PTPRD: variants seen among roughly 807,000 people sequenced by gnomAD.
The protein encoded by PTPRD is receptor-type tyrosine-protein phosphatase delta.
Under a neutral mutation model 214.5 loss-of-function variants are expected in PTPRD, and 34 were observed. That is an observed-to-expected ratio of 0.16 (90% CI 0.12 to 0.21). PTPRD has a LOEUF of 0.21. Among genes scored for constraint, PTPRD ranks in the 10% least tolerant of loss-of-function variants. The pLI, the probability that PTPRD is intolerant of heterozygous loss-of-function variation, is 1.00. For missense variants in PTPRD, 2,545 were observed against 2,398.7 expected (o/e 1.06, Z -1.27); for synonymous variants, 1,128 against 845.7 (o/e 1.33, Z -5.79).
intron 3 of PTPRD, among the ~76,000 whole-genome samples, chr9:10,259,695 T>C (rs921509776): frequency 1.3e-5 from 2 of 152,214 alleles, no homozygotes; most frequent in African/African-American, 2.4e-5. Context: ...TCAACTTTAG[T>C]TCCTCAACAA....
intron 12 of PTPRD, among the ~76,000 whole-genome samples, chr9:8,674,863 G>A (rs540441549): frequency 6.6e-6 from 1 of 152,074 alleles, no homozygotes; most frequent in Non-Finnish European, 1.5e-5. Context: ...TTTGTTTGGG[G>A]TTTTTTTGCT....
At chr9:10,366,175 C>G (rs1475065255) in intron 2 of PTPRD, among the ~76,000 whole-genome samples, 1 of 152,156 alleles carries the variant, frequency 6.6e-6, no homozygotes, top group African/African-American at 2.4e-5. Flanking sequence ...TGATATATGG[C>G]TCTGCGATGT....
chr9:9,125,200 T>A (rs928577374), intron 10 of PTPRD, among the ~76,000 whole-genome samples: 9 of 152,112 alleles, frequency 5.9e-5, no homozygotes, highest in African/African-American at 2.2e-4. Flanking sequence ...CTTAGCAGAG[T>A]GGGCCACTCC....
intron 12 of PTPRD, among the ~76,000 whole-genome samples, chr9:8,711,177 GATA>G (rs534926941): frequency 2.6e-5 from 4 of 152,034 alleles, no homozygotes; most frequent in South Asian, 2.1e-4. Context: ...ATATATGTAA[GATA>G]ATAATATATT....
intron 11 of PTPRD, among the ~76,000 whole-genome samples, chr9:8,755,411 C>T (rs990340270): frequency 6.6e-6 from 1 of 151,688 alleles, no homozygotes; most frequent in Non-Finnish European, 1.5e-5. Context: ...TGCCTGTAAT[C>T]CCAGCTACTC....
At chr9:9,892,425 A>G (rs10123476) in intron 5 of PTPRD, among the ~76,000 whole-genome samples, 13,847 of 152,134 alleles carry the variant, frequency 0.091, 1,546 homozygotes, top group African/African-American at 0.27. Context: ...CTCTGCTCAG[A>G]GAACAGAAAG....
intron 7 of PTPRD, among the ~76,000 whole-genome samples, chr9:9,616,866 G>GGT (rs1311152500): frequency 1.3e-5 from 2 of 152,040 alleles, no homozygotes; most frequent in Admixed American, 6.6e-5. Context: ...ATTGCACTAT[G>GGT]GTCTGAGAGA....
At chr9:10,568,077 T>G (rs1319304208) in intron 2 of PTPRD, among the ~76,000 whole-genome samples, 1 of 151,740 alleles carries the variant, frequency 6.6e-6, no homozygotes, top group Non-Finnish European at 1.5e-5. Flanking sequence ...TAACTCGTCA[T>G]TTAGCATTAG....
chr9:8,804,421 G>T (rs889130333), intron 11 of PTPRD, among the ~76,000 whole-genome samples: 1 of 150,890 alleles, frequency 6.6e-6, no homozygotes, highest in Admixed American at 6.6e-5. Flanking sequence ...AACATAAGAA[G>T]ACTCCGTCTC....
At chr9:8,423,974 A>G (rs746308955) in intron 35 of PTPRD, among the ~76,000 whole-genome samples, 4 of 152,166 alleles carry the variant, frequency 2.6e-5, no homozygotes, top group Admixed American at 6.5e-5. Context: ...ATGGAATGCT[A>G]TTTGTTTCAG....
At chr9:9,820,985 G>C (rs574429391) in intron 5 of PTPRD, among the ~76,000 whole-genome samples, 1 of 152,002 alleles carries the variant, frequency 6.6e-6, no homozygotes, top group Non-Finnish European at 1.5e-5. Context: ...ATGAATTTTA[G>C]AATAGTTTTC....
In PTPRD at chr9:10,214,759, T is replaced by G. The variant is rs10511537; in HGVS notation, c.-545+126204A>C. On this transcript the variant is annotated intron_variant, in intron 3 of 45. Coordinates refer to ENST00000381196, the MANE Select transcript of PTPRD (RefSeq NM_002839.4). ...GAATGCAAAATTTCTGTGCAAAGAT[T>G]TTCTCCATTATCCTTTTTGTATTGG... is the stretch of plus-strand genomic sequence containing the variant. Among the ~76,000 whole-genome samples the G allele has an allele frequency of 1.2e-3, 187 of 152,228 alleles. 3 individuals are homozygous for G. In the South Asian group the frequency reaches 0.036, roughly 30 times the overall value.
At chr9:9,680,763 G>A (rs992799760) in intron 7 of PTPRD, among the ~76,000 whole-genome samples, 1 of 149,940 alleles carries the variant, frequency 6.7e-6, no homozygotes, top group African/African-American at 2.4e-5. Flanking sequence ...ACTAACAGAG[G>A]AAGAGGAGAA....
intron 2 of PTPRD, among the ~76,000 whole-genome samples, chr9:10,432,932 T>C (rs945165136): frequency 3.3e-5 from 5 of 151,992 alleles, no homozygotes; most frequent in Non-Finnish European, 7.4e-5. Context: ...CCCTTTTCAT[T>C]TGCTATCACA....
rs1182599158 is a variant in PTPRD, at chr9:8,326,919, TTTA to T, written c.5534+4660_5534+4662del. On this transcript the variant is annotated intron_variant, in intron 44 of 45. Coordinates refer to ENST00000381196, the MANE Select transcript of PTPRD (RefSeq NM_002839.4). Reference sequence around the variant, plus strand: ...AGTGGTGATTTCCCCTTTGTCCTTTTTTATTGTGTCTGTTTGAGTCTTCTGTCT... The same window carrying T: ...AGTGGTGATTTCCCCTTTGTCCTTTTTTGTGTCTGTTTGAGTCTTCTGTCT... Among the ~76,000 whole-genome samples the T allele has an allele frequency of 3.4e-5, 5 of 147,458 alleles. No individual in the cohort carries two copies. The East Asian group carries it at 1.0e-3, about 31-fold the overall frequency.
intron 11 of PTPRD, among the ~76,000 whole-genome samples, chr9:8,754,905 G>C (rs1321399633): frequency 2.0e-5 from 3 of 152,030 alleles, no homozygotes; most frequent in African/African-American, 7.2e-5. Flanking sequence ...GCCTTAAACA[G>C]GCAATTCACA....
intron 10 of PTPRD, among the ~76,000 whole-genome samples, chr9:9,042,921 G>T (rs1365288477): frequency 1.3e-5 from 2 of 152,126 alleles, no homozygotes. Context: ...AGTAGTGTAA[G>T]TTGGGTATCC....
intron 9 of PTPRD, among the ~76,000 whole-genome samples, chr9:9,225,166 G>C (rs1282126695): frequency 6.6e-6 from 1 of 151,972 alleles, no homozygotes; most frequent in Non-Finnish European, 1.5e-5. Flanking sequence ...GACAGCAGAA[G>C]GGGAAGGCTG....
intron 9 of PTPRD, among the ~76,000 whole-genome samples, chr9:9,199,199 T>C (rs1321313411): frequency 6.6e-6 from 1 of 152,164 alleles, no homozygotes. Context: ...TTTTGTAATA[T>C]ATATATAACT....
Sources: gnomAD v4.1 joint callset for allele counts (sites outside exome capture counted in the v4.1 genomes callset) on GRCh38, gnomAD v4.1.1 for gene constraint, MANE v1.5 for transcripts, NCBI Gene and HGNC (gene_info 2026-07-23, HGNC 2026-07-21) for gene names.